The following KCNIP4 variants were observed in gnomAD, a reference collection of about 807,000 sequenced individuals.
KCNIP4 encodes potassium voltage-gated channel interacting protein 4, also known as Kv channel-interacting protein 4.
In KCNIP4, 12 loss-of-function variants were observed where a neutral mutation model predicts 34.0. The ratio of observed to expected loss-of-function variants is 0.35; its 90% confidence interval spans 0.23 to 0.57. The LOEUF is 0.57. Ranked by LOEUF, KCNIP4 falls within the 20% of genes least tolerant of loss-of-function variation. The pLI is 0.83. For synonymous variants in KCNIP4, 124 were observed against 102.2 expected (o/e 1.21, Z -1.29); for missense variants, 238 against 311.7 (o/e 0.76, Z 1.78).
At chr4:21,107,696 G>A (rs1179930040) in intron 1 of KCNIP4, among the ~76,000 whole-genome samples, 1 of 151,186 alleles carries the variant, frequency 6.6e-6, no homozygotes, top group Non-Finnish European at 1.5e-5. Flanking sequence ...TCCTAGCCTC[G>A]ACGGTCTTTA....
intron 1 of KCNIP4, among the ~76,000 whole-genome samples, chr4:21,085,707 G>A (rs1196529629): frequency 6.6e-6 from 1 of 152,140 alleles, no homozygotes; most frequent in African/African-American, 2.4e-5. Context: ...CATAATCTCA[G>A]GAAGGAGGAG....
At chr4:21,291,448 A>C (rs1042894095) in intron 1 of KCNIP4, among the ~76,000 whole-genome samples, 4 of 152,206 alleles carry the variant, frequency 2.6e-5, no homozygotes, top group African/African-American at 4.8e-5. Context: ...TTTCAAAGGC[A>C]GGGAATTAGG....
At chr4:20,966,903 G>A (rs1430303228) in intron 1 of KCNIP4, among the ~76,000 whole-genome samples, 1 of 152,136 alleles carries the variant, frequency 6.6e-6, no homozygotes, top group Non-Finnish European at 1.5e-5. Context: ...GAAGCACTCT[G>A]TGAAGTTGGT....
At chr4:20,925,936 T>C (rs1294537566) in intron 1 of KCNIP4, among the ~76,000 whole-genome samples, 3 of 152,154 alleles carry the variant, frequency 2.0e-5, no homozygotes, top group African/African-American at 7.2e-5. Flanking sequence ...CACCTTGAAA[T>C]GTTGTTCCTG....
chr4:21,065,956 ACTTG>A (rs1264813387), intron 1 of KCNIP4, among the ~76,000 whole-genome samples: 1 of 151,930 alleles, frequency 6.6e-6, no homozygotes, highest in East Asian at 1.9e-4. Context: ...CAAGATACTC[ACTTG>A]TAAAATATCT....
chr4:21,043,405 C>T (rs1742131441), intron 1 of KCNIP4, among the ~76,000 whole-genome samples: 1 of 152,194 alleles, frequency 6.6e-6, no homozygotes, highest in African/African-American at 2.4e-5. Flanking sequence ...TCTCAACACA[C>T]TGCAACATCT....
intron 1 of KCNIP4, among the ~76,000 whole-genome samples, chr4:21,490,953 T>G (rs1477279466): frequency 6.6e-6 from 1 of 152,032 alleles, no homozygotes; most frequent in African/African-American, 2.4e-5. Context: ...GGAAGATTAC[T>G]CAAAGCATAA....
At chr4:21,377,245 A>G (rs558877913) in intron 1 of KCNIP4, among the ~76,000 whole-genome samples, 47 of 152,292 alleles carry the variant, frequency 3.1e-4, no homozygotes, top group African/African-American at 1.1e-3. Flanking sequence ...TAGAGCTTCC[A>G]TGGTAACCCT....
intron 1 of KCNIP4, among the ~76,000 whole-genome samples, chr4:21,102,123 G>A (rs1038666471): frequency 6.6e-6 from 1 of 152,184 alleles, no homozygotes; most frequent in Non-Finnish European, 1.5e-5. Context: ...CAAAGACAAT[G>A]TAATACGATG....
chr4:21,693,943 T>C (rs1262350081), intron 1 of KCNIP4, among the ~76,000 whole-genome samples: 1 of 152,154 alleles, frequency 6.6e-6, no homozygotes, highest in Non-Finnish European at 1.5e-5. Flanking sequence ...CAGGCAATAT[T>C]CACCTCACAC....
chr4:20,935,646 C>T (rs1730987182), intron 1 of KCNIP4, among the ~76,000 whole-genome samples: 1 of 152,148 alleles, frequency 6.6e-6, no homozygotes, highest in African/African-American at 2.4e-5. Context: ...TAATAACTCT[C>T]CAATATTTGA....
chr4:21,433,613 T>C (rs1018733923), intron 1 of KCNIP4, among the ~76,000 whole-genome samples: 3 of 152,172 alleles, frequency 2.0e-5, no homozygotes, highest in Non-Finnish European at 4.4e-5. Context: ...TTCTCAGCAT[T>C]ATTGTGGCTA....
At chr4:21,572,378 C>G (rs568142639) in intron 1 of KCNIP4, among the ~76,000 whole-genome samples, 199 of 152,160 alleles carry the variant, frequency 1.3e-3, no homozygotes, top group African/African-American at 4.6e-3. Context: ...TGTTCAAATT[C>G]TAGGGTAAAA....
intron 1 of KCNIP4, among the ~76,000 whole-genome samples, chr4:21,503,958 C>T (rs1048532674): frequency 6.6e-6 from 1 of 152,196 alleles, no homozygotes; most frequent in African/African-American, 2.4e-5. Flanking sequence ...TTACATAGAT[C>T]ATGTCTAAAC....
chr4:21,817,330 T>G (rs1056954668), intron 1 of KCNIP4, among the ~76,000 whole-genome samples: 5 of 152,210 alleles, frequency 3.3e-5, no homozygotes, highest in African/African-American at 1.2e-4. Context: ...TCCTGTTATC[T>G]TCACAAGCTG....
At chr4:21,329,939 A>G (rs1715460658) in intron 1 of KCNIP4, among the ~76,000 whole-genome samples, 1 of 152,216 alleles carries the variant, frequency 6.6e-6, no homozygotes, top group Non-Finnish European at 1.5e-5. Context: ...GATGAGCTCA[A>G]GGCCTCCTTA....
chr4:20,731,713 T>C, intron 8 of KCNIP4: 2 of 984,976 alleles, frequency 2.0e-6, no homozygotes, highest in South Asian at 9.4e-5. Context: ...AAATCTCATG[T>C]ATGTTTTATC....
chr4:21,590,575 G>A (rs1285807540), intron 1 of KCNIP4, among the ~76,000 whole-genome samples: 1 of 151,564 alleles, frequency 6.6e-6, no homozygotes, highest in Non-Finnish European at 1.5e-5. Context: ...ATGAAGGGAG[G>A]AAGAAAAAAT....
chr4:21,913,054 T>C (rs1728429710), intron 1 of KCNIP4, among the ~76,000 whole-genome samples: 1 of 152,052 alleles, frequency 6.6e-6, no homozygotes, highest in Admixed American at 6.6e-5. Context: ...CACTAACCTA[T>C]GGTGCCTTTG....
Sources: gnomAD v4.1 joint callset for allele counts (sites outside exome capture counted in the v4.1 genomes callset) on GRCh38, gnomAD v4.1.1 for gene constraint, MANE v1.5 for transcripts, NCBI Gene and HGNC (gene_info 2026-07-23, HGNC 2026-07-21) for gene names.